The following DDX25 variants were observed in gnomAD, a reference collection of about 807,000 sequenced individuals.
The protein encoded by DDX25 is DEAD-box helicase 25.
DDX25 carries 70 observed loss-of-function variants against 64.6 expected under a neutral mutation model. The ratio of observed to expected loss-of-function variants is 1.08; its 90% confidence interval spans 0.89 to 1.32. The LOEUF (loss-of-function observed/expected upper bound fraction) is 1.32. DDX25 is among the 40% of genes most tolerant of loss of function. The pLI is 0.00. For synonymous variants in DDX25, 211 were observed against 213.3 expected (o/e 0.99, Z 0.09); for missense variants, 587 against 604.4 (o/e 0.97, Z 0.30).
chr11:125,906,287 A>G (rs1054371307), intron 4 of DDX25, 78 bp downstream of exon 4: 2 of 1,427,006 alleles, frequency 1.4e-6, no homozygotes, highest in Non-Finnish European at 9.2e-7. Context: ...AGTAAAAACC[A>G]TCAGGATCTC....
rs552609019 is a variant in DDX25 at position 125,925,345 on chromosome 11, G to A, written c.*2464G>A. 8.9e-6 allele frequency: 4 copies of A among 450,768 alleles called. No homozygotes were observed. Among genetic ancestry groups the A allele is most frequent in the African/African-American group, 2.0e-5 (1 of 50,046 alleles). 27.9% of individuals were successfully genotyped at this position (450,768 alleles called of 1,614,324 possible). On this transcript the variant is annotated 3_prime_UTR_variant, in exon 12 of 12. Coordinates refer to ENST00000263576, the MANE Select transcript of DDX25 (RefSeq NM_013264.5). ...GCGTTCCCTTTTGCCCCCTCCTCAC[G>A]TCCCTTTGTCTCACCACCTAGGAGG...
rs2134271398 is a variant in DDX25, at chr11:125,905,225, G to A, written c.77G>A (p.Ser26Asn). The change falls in exon 2 of 12, where the codon AGC becomes AAC. Residue 26 changes from serine (S) to asparagine (N), a missense_variant. By Grantham distance (46) the Ser-to-Asn change is conservative. Transcript: ENST00000263576. ...ERLNSHFSNLSQPRKNLWGIK... is the reference protein window; with the variant it reads ...ERLNSHFSNLNQPRKNLWGIK... ...GTCTCTCAATAGTTTTCAAACCTCA[G>A]CCAACCCCGGAAGAACCTTTGGGGT... The A allele has an allele frequency of 1.3e-6, 2 of 1,551,644 alleles. No homozygotes were observed. The highest frequency in any genetic ancestry group is 1.7e-6 in the Non-Finnish European group (2 of 1,146,980).
Position 125,911,291 on chromosome 11 carries a change from T to C in DDX25, c.623-20T>C, listed in dbSNP as rs1565464774. On this transcript the variant is annotated intron_variant, in intron 7 of 11. Coordinates refer to ENST00000263576, the MANE Select transcript of DDX25 (RefSeq NM_013264.5). ...AGTTGTTTGCATCTGAAGGAGTGCT[T>C]AAAACCCTTTTCTCCCCAGTTCCCA... The C allele has an allele frequency of 2.5e-6, 4 of 1,599,388 alleles. No homozygotes were observed. The highest frequency in any genetic ancestry group is 2.3e-5 in the South Asian group (2 of 87,926).
Position 125,917,040 on chromosome 11 carries a change from T to C in DDX25, c.827T>C (p.Leu276Pro), listed in dbSNP as rs1945047633. The change falls in exon 9 of 12, where the codon CTC becomes CCC. Residue 276 changes from leucine to proline, a missense_variant. By Grantham distance (98) the Leu-to-Pro change is moderately conservative (BLOSUM62 -3). Transcript: ENST00000263576. ...GCTCTACCCTCCGAATGCCAAATGC[T>C]CCTCTTTTCAGCAACCTTTGAGGAC... ...QRALPSECQM[L>P]LFSATFEDSV... 5 of 1,603,740 alleles carry C rather than the reference T, an allele frequency of 3.1e-6. No individual in the cohort carries two copies. The highest frequency in any genetic ancestry group is 4.3e-6 in the Non-Finnish European group (5 of 1,175,450).
chr11:125,907,392 A>C (rs1591515137), intron 4 of DDX25, among the ~76,000 whole-genome samples: 1 of 152,130 alleles, frequency 6.6e-6, no homozygotes, highest in South Asian at 2.1e-4. Context: ...GCGGATCACG[A>C]GGTCAGGAGA....
At chr11:125,905,696 C>G in intron 3 of DDX25, 99 bp downstream of exon 3, 1 of 1,224,238 alleles carries the variant, frequency 8.2e-7, no homozygotes, top group South Asian at 1.4e-5. Flanking sequence ...TGGAAAAGGC[C>G]TGTCTTTGCT....
At chr11:125,904,302 TCCGCCCCGCTCTCTGCCCC>T (rs1565460849), upstream of DDX25, 59 of 103,514 alleles carry the variant, frequency 5.7e-4, no homozygotes, top group Non-Finnish European at 5.0e-5. Flanking sequence ...CTCTCTGCCC[TCCGCCCCGCTCTCTGCCCC>T]CCGCCCCGCT....
rs1944967903 is a variant in DDX25, at chr11:125,911,454, C to G, written c.766C>G (p.Gln256Glu). The change falls in exon 8 of 12, where the codon CAA (glutamine) becomes GAA (glutamate). Residue 256 changes from glutamine to glutamate, a missense_variant. Coordinates refer to ENST00000263576, the MANE Select transcript of DDX25 (RefSeq NM_013264.5). ...TGAAGCAGATGTGATGATTGACACT[C>G]AAGGATTCTCAGATCATAGTATTCG... ...LDEADVMIDT[Q>E]GFSDHSIRIQ... The G allele has an allele frequency of 6.2e-7, 1 of 1,613,786 alleles. No individual in the cohort carries two copies. Among genetic ancestry groups the G allele is most frequent in the Non-Finnish European group, 8.5e-7 (1 of 1,179,846 alleles).
chr11:125,911,531 G>C (rs1944969292), intron 8 of DDX25, 43 bp downstream of exon 8: 6 of 1,574,188 alleles, frequency 3.8e-6, no homozygotes, highest in African/African-American at 2.7e-5. Flanking sequence ...CTTCTGTCCA[G>C]ATGGGGAATT....
intron 10 of DDX25, among the ~76,000 whole-genome samples, chr11:125,920,504 T>TA (rs1405947281): frequency 1.3e-5 from 2 of 152,126 alleles, no homozygotes; most frequent in African/African-American, 4.8e-5. Flanking sequence ...TTACGTTTGT[T>TA]CAGGAAATGG....
chr11:125,905,087 T>TA, intron 1 of DDX25, 125 bp from the exon 2 acceptor site: 1 of 800,350 alleles, frequency 1.2e-6, no homozygotes, highest in Admixed American at 2.4e-5. Flanking sequence ...TGCTACCTAA[T>TA]ATTGCAAAGG....
chr11:125,904,265 TCGCCCCGCTCTCTGCCCTC>T (rs201190482), upstream of DDX25: 212,804 of 338,436 alleles, frequency 0.63, 67,975 homozygotes, highest in South Asian at 0.72. Context: ...CCGCGCCCTT[TCGCCCCGCTCTCTGCCCTC>T]CGCCCCGCTC....
intron 9 of DDX25, 115 bp from the exon 10 acceptor site, chr11:125,918,513 T>C: frequency 1.5e-6 from 2 of 1,374,722 alleles, no homozygotes; most frequent in Non-Finnish European, 9.8e-7. Flanking sequence ...GAGGTGAAGC[T>C]CAACTCCTCT....
At position 125,908,498 on chromosome 11, in the gene DDX25, C is replaced by G. The variant is rs1206504531; in HGVS notation, c.502C>G (p.Pro168Ala). 5.6e-6 allele frequency: 9 copies of G among 1,613,084 alleles called. No individual in the cohort carries two copies. Among genetic ancestry groups the G allele is most frequent in the African/African-American group, 1.3e-5 (1 of 74,888 alleles). ...CAGAGTTAATGCCTTGGAATTGTTC[C>G]CACAGGTAAGGGAAGGCTGAGAGAA... Reference protein sequence around the residue: ...LSRVNALELFPQCLCLAPTYE... With the variant: ...LSRVNALELFAQCLCLAPTYE... Residue 168 changes from proline (P) to alanine (A), a missense_variant, in exon 6 of 12, where the codon CCA becomes GCA. Coordinates refer to ENST00000263576, the MANE Select transcript of DDX25 (RefSeq NM_013264.5).
intron 8 of DDX25, among the ~76,000 whole-genome samples, chr11:125,916,552 A>G (rs1452016123): frequency 1.3e-5 from 2 of 151,924 alleles, no homozygotes; most frequent in Non-Finnish European, 2.9e-5. Flanking sequence ...GCTCCCCTTT[A>G]ATTTGTATCT....
In DDX25 at chr11:125,921,341, A is replaced by T. The variant is rs774954753; in HGVS notation, c.1352A>T (p.Asp451Val). ...CTTGCCTTCAACATGATTGAAGTAG[A>T]TGAGCTGCCCTCGCTCATGAAAATC... is the stretch of plus-strand genomic sequence containing the variant. ...KGLAFNMIEVDELPSLMKIQD... is the reference protein window; with the variant it reads ...KGLAFNMIEVVELPSLMKIQD... Residue 451 changes from aspartate to valine, a missense_variant, in exon 11 of 12, where the codon GAT becomes GTT. By Grantham distance (152) the Asp-to-Val change is radical (BLOSUM62 -3). Coordinates refer to ENST00000263576, the MANE Select transcript of DDX25 (RefSeq NM_013264.5). This position sits in a 1 kb window ranked among gnomAD's most constrained non-coding sequence, Gnocchi z 4.1. The T allele has an allele frequency of 8.1e-6, 13 of 1,613,776 alleles. No homozygotes were observed. In the Admixed American group the frequency reaches 2.0e-4, roughly 25 times the overall value.
chr11:125,917,231 C>T lies in DDX25; in HGVS notation c.1018C>T (p.Gln340Ter), dbSNP rs775249786. Residue 340 changes from glutamine to a stop codon, truncating the protein, a stop_gained, in exon 9 of 12, where the codon CAG becomes TAG. Transcript: ENST00000263576. LOFTEE classifies it high-confidence loss of function. ...CNIYGSITIGQAIIFCQTRRN... is the reference protein window; with the variant it reads ...CNIYGSITIG ...CATTTATGGCAGCATCACCATTGGTCAGGCCATCATCTTCTGCCAGGTACA... is the reference window on the plus strand; with the variant it reads ...CATTTATGGCAGCATCACCATTGGTTAGGCCATCATCTTCTGCCAGGTACA... 11 of 1,606,718 alleles carry T rather than the reference C, an allele frequency of 6.8e-6. No homozygotes were observed. The highest frequency in any genetic ancestry group is 1.1e-5 in the South Asian group (1 of 89,048).
chr11:125,922,538 A>T (rs1046110201), intron 11 of DDX25: 2 of 335,640 alleles, frequency 6.0e-6, no homozygotes, highest in African/African-American at 4.2e-5. Context: ...CCCTGGTCTC[A>T]GGAAGTGACT....
At chr11:125,911,109 A>G (rs989908107) in intron 7 of DDX25, among the ~76,000 whole-genome samples, 2 of 152,092 alleles carry the variant, frequency 1.3e-5, no homozygotes, top group Non-Finnish European at 2.9e-5. Context: ...GGGAAGTGCC[A>G]TTTTTCACAG....
Sources: allele counts gnomAD v4.1 joint callset (sites outside exome capture counted in the v4.1 genomes callset), GRCh38; gene constraint gnomAD v4.1.1; non-coding constraint Gnocchi (gnomAD v3.1); transcripts MANE v1.5; gene names NCBI Gene and HGNC (gene_info 2026-07-23, HGNC 2026-07-21).